The following COL19A1 variants were observed in gnomAD, a reference collection of about 807,000 sequenced individuals.
The protein encoded by COL19A1 is collagen alpha-1(XIX) chain.
Under a neutral mutation model 190.2 loss-of-function variants are expected in COL19A1, and 159 were observed. That is an observed-to-expected ratio of 0.84 (90% CI 0.73 to 0.95). The LOEUF is 0.95. COL19A1 is among the 40% of genes least tolerant of loss of function. COL19A1 has a pLI of 0.00. For synonymous variants in COL19A1, 509 were observed against 458.9 expected, an observed-to-expected ratio of 1.11 and a Z score of -1.39; for missense variants, 1,418 against 1,431.9, an observed-to-expected ratio of 0.99 and a Z score of 0.16.
chr6:70,091,176 A>G (rs760578262), intron 15 of COL19A1, among the ~76,000 whole-genome samples: 1 of 152,090 alleles, frequency 6.6e-6, no homozygotes, highest in Non-Finnish European at 1.5e-5. Context: ...ATGGTCAGAG[A>G]TGATACAGCC....
intron 4 of COL19A1, among the ~76,000 whole-genome samples, chr6:69,920,146 TTCTTAA>T (rs1279817291): frequency 6.6e-6 from 1 of 152,166 alleles, no homozygotes; most frequent in African/African-American, 2.4e-5. Flanking sequence ...ATAAAAATCT[TTCTTAA>T]TCTTAACACC....
At chr6:69,960,736 C>G (rs1389936109) in intron 10 of COL19A1, among the ~76,000 whole-genome samples, 1 of 151,398 alleles carries the variant, frequency 6.6e-6, no homozygotes, top group African/African-American at 2.4e-5. Flanking sequence ...ACGCCATTCT[C>G]CTGCCTCAGC....
intron 1 of COL19A1, among the ~76,000 whole-genome samples, chr6:69,870,375 A>G (rs982035809): frequency 2.0e-5 from 3 of 152,242 alleles, no homozygotes; most frequent in Non-Finnish European, 4.4e-5. Flanking sequence ...CTGTTGAATC[A>G]CAGGACAGTG....
At chr6:69,947,435 A>C (rs1773886920) in intron 9 of COL19A1, among the ~76,000 whole-genome samples, 1 of 151,836 alleles carries the variant, frequency 6.6e-6, no homozygotes, top group African/African-American at 2.4e-5. Flanking sequence ...AATATTTAAA[A>C]AATTGTTGTA....
intron 48 of COL19A1, among the ~76,000 whole-genome samples, chr6:70,197,812 G>T (rs1767305455): frequency 6.6e-6 from 1 of 152,192 alleles, no homozygotes; most frequent in African/African-American, 2.4e-5. Flanking sequence ...TGCGGGTTGT[G>T]GTATATTTCC....
intron 48 of COL19A1, among the ~76,000 whole-genome samples, chr6:70,195,180 A>T (rs1382295590): frequency 6.7e-6 from 1 of 148,290 alleles, no homozygotes; most frequent in Non-Finnish European, 1.5e-5. Flanking sequence ...TAAAAAATAT[A>T]TTTTCCACCA....
intron 14 of COL19A1, among the ~76,000 whole-genome samples, chr6:70,062,380 T>C (rs1780890863): frequency 6.6e-6 from 1 of 152,110 alleles, no homozygotes; most frequent in Admixed American, 6.6e-5. Context: ...TAAGCATGTA[T>C]GACATTCATG....
chr6:70,041,117 A>G (rs1043558765), intron 14 of COL19A1, among the ~76,000 whole-genome samples: 1 of 152,220 alleles, frequency 6.6e-6, no homozygotes. Context: ...CTAAAAATCC[A>G]TGGTTGCCAC....
rs189195300 is a variant in COL19A1 at position 70,051,765 on chromosome 6, G to A, written c.1170+15826G>A. ...CATTTTTCATTTCTATACTGTCTTG[G>A]TGTCTGGCAAATTTTTTATGAGTAT... On this transcript the variant is annotated intron_variant, in intron 14 of 50. Coordinates refer to ENST00000620364, the MANE Select transcript of COL19A1 (RefSeq NM_001858.6). 1.1e-3 allele frequency among the ~76,000 whole-genome samples: 160 copies of A among 152,102 alleles called. 2 individuals are homozygous for A. The highest frequency in any genetic ancestry group is 3.4e-4 in the Non-Finnish European group (23 of 67,974).
intron 17 of COL19A1, among the ~76,000 whole-genome samples, chr6:70,129,901 T>A (rs371724099): frequency 1.4e-4 from 21 of 152,266 alleles, no homozygotes; most frequent in Admixed American, 1.2e-3. Flanking sequence ...TTTGGAGTAG[T>A]GAGTATTTAT....
At chr6:70,022,430 C>T (rs961643560) in intron 11 of COL19A1, among the ~76,000 whole-genome samples, 16 of 152,042 alleles carry the variant, frequency 1.1e-4, no homozygotes, top group Admixed American at 2.0e-4. Context: ...ACTTTTATTA[C>T]TTTGATTTGT....
rs575494949 is a variant in COL19A1 at position 69,949,228 on chromosome 6, G to A, written c.937-10768G>A. The stretch of plus-strand genomic sequence containing the variant: ...CCGGATTCACACATCATCAGAGACC[G>A]TACTTAGTGGTTAATATCCTTCCAA... On this transcript the variant is annotated intron_variant, in intron 9 of 50. Transcript: ENST00000620364. Among the ~76,000 whole-genome samples the A allele has an allele frequency of 5.7e-4, 87 of 151,860 alleles. 1 individual carries two copies. The highest frequency in any genetic ancestry group is 8.6e-4 in the Admixed American group (13 of 15,190).
At chr6:70,102,705 A>G (rs1562175137) in intron 16 of COL19A1, among the ~76,000 whole-genome samples, 1 of 152,046 alleles carries the variant, frequency 6.6e-6, no homozygotes, top group Non-Finnish European at 1.5e-5. Context: ...GCTTATCTGG[A>G]TCCTTTACCC....
At chr6:69,871,560 G>A (rs939506352) in intron 1 of COL19A1, among the ~76,000 whole-genome samples, 1 of 152,142 alleles carries the variant, frequency 6.6e-6, no homozygotes, top group African/African-American at 2.4e-5. Context: ...GCAAATAAGT[G>A]TTCTCTTTCT....
Position 70,158,486 on chromosome 6 carries a change from G to C in COL19A1, c.2292+1763G>C, listed in dbSNP as rs1022150476. Among the ~76,000 whole-genome samples, 3 of 152,146 alleles carry C rather than the reference G, an allele frequency of 2.0e-5. No individual in the cohort carries two copies. The South Asian group carries it at 6.2e-4, about 32-fold the overall frequency. ...TATGTCTTTCATCTGTTTGGAAAAT[G>C]AGAGAGAGGAGTTGCCTGCTTGTTT... is the stretch of plus-strand genomic sequence containing the variant. On this transcript the variant is annotated intron_variant, in intron 34 of 50. Transcript: ENST00000620364.
intron 48 of COL19A1, 24 bp from the exon 49 acceptor site, chr6:70,199,584 T>G: frequency 1.4e-6 from 2 of 1,453,812 alleles, no homozygotes; most frequent in Non-Finnish European, 1.8e-6. Context: ...CTATGATATA[T>G]TATTTTTTCT....
chr6:69,878,187 T>TTATA (rs141143309), intron 1 of COL19A1, among the ~76,000 whole-genome samples: 46 of 149,870 alleles, frequency 3.1e-4, no homozygotes, highest in Non-Finnish European at 5.9e-4. Flanking sequence ...AGGATAGTAA[T>TTATA]TATATATATA....
rs78564138 is a variant in COL19A1 at position 70,193,499 on chromosome 6, C to G, written c.3094+3118C>G. Reference sequence around the variant, plus strand: ...CCTCCCCAGGTCTCTGGCTTCACACCCATCTCTCTTACTGCGTCTCTGTCT... The same window carrying G: ...CCTCCCCAGGTCTCTGGCTTCACACGCATCTCTCTTACTGCGTCTCTGTCT... On this transcript the variant is annotated intron_variant, in intron 48 of 50. Transcript: ENST00000620364. Among the ~76,000 whole-genome samples, 471 of 152,312 alleles carry G rather than the reference C, an allele frequency of 3.1e-3. 17 individuals carry two copies. The East Asian group carries it at 0.077, about 25-fold the overall frequency.
intron 9 of COL19A1, among the ~76,000 whole-genome samples, chr6:69,944,369 T>G (rs1773658727): frequency 1.3e-5 from 2 of 152,102 alleles, no homozygotes; most frequent in Non-Finnish European, 2.9e-5. Context: ...ATATGCTGAA[T>G]GCATGAATGA....
Sources: allele counts gnomAD v4.1 joint callset (sites outside exome capture counted in the v4.1 genomes callset), GRCh38; gene constraint gnomAD v4.1.1; transcripts MANE v1.5; gene names NCBI Gene and HGNC (gene_info 2026-07-23, HGNC 2026-07-21).